ENTHD1: variants seen among roughly 807,000 people sequenced by gnomAD.
The protein encoded by ENTHD1 is ENTH domain containing 1.
A neutral mutation model predicts 39.1 loss-of-function variants in ENTHD1; 23 were observed. The observed-to-expected ratio is 0.59, with a 90% CI of 0.42 to 0.83. ENTHD1 has a LOEUF of 0.83. Ranked by LOEUF, ENTHD1 falls within the 40% of genes least tolerant of loss-of-function variation. The pLI is 0.00. For missense variants in ENTHD1, 624 were observed against 705.4 expected, an observed-to-expected ratio of 0.88 and a Z score of 1.31; for synonymous variants, 230 against 258.2, an observed-to-expected ratio of 0.89 and a Z score of 1.05.
At chr22:39,888,405 C>G (rs897787432) in intron 1 of ENTHD1, among the ~76,000 whole-genome samples, 9 of 151,142 alleles carry the variant, frequency 6.0e-5, no homozygotes, top group African/African-American at 2.2e-4. Context: ...GCAGCTGGAA[C>G]TATAGGTGTG....
intron 5 of ENTHD1, among the ~76,000 whole-genome samples, chr22:39,766,456 T>C (rs1210886879): frequency 1.3e-5 from 2 of 152,190 alleles, no homozygotes; most frequent in African/African-American, 4.8e-5. Flanking sequence ...AGGAACACCC[T>C]CAGCGCCAGG....
intron 3 of ENTHD1, among the ~76,000 whole-genome samples, chr22:39,860,468 A>G (rs2066130644): frequency 6.6e-6 from 1 of 152,198 alleles, no homozygotes; most frequent in Non-Finnish European, 1.5e-5. Flanking sequence ...AGATCCCACC[A>G]CTTTTAGAAG....
chr22:39,765,073 G>A, intron 6 of ENTHD1, 150 bp downstream of exon 6: 2 of 1,300,176 alleles, frequency 1.5e-6, no homozygotes, highest in Non-Finnish European at 2.0e-6. Context: ...TATGTGTATG[G>A]CATGTACATT....
chr22:39,835,764 A>G (rs956715712), intron 4 of ENTHD1, 76 bp downstream of exon 4: 5 of 1,025,536 alleles, frequency 4.9e-6, no homozygotes, highest in Non-Finnish European at 7.3e-6. Context: ...CCTACAGAAG[A>G]TAATAAATTT....
chr22:39,828,777 TC>T (rs1318440848), intron 4 of ENTHD1, among the ~76,000 whole-genome samples: 3 of 152,120 alleles, frequency 2.0e-5, no homozygotes, highest in Non-Finnish European at 2.9e-5. Flanking sequence ...CATTAGCAAA[TC>T]TAATAATAAA....
chr22:39,796,169 C>T (rs571815251), intron 5 of ENTHD1, among the ~76,000 whole-genome samples: 10 of 152,070 alleles, frequency 6.6e-5, no homozygotes, highest in Admixed American at 1.3e-4. Flanking sequence ...AGTCTTTTTA[C>T]TTTATTGATA....
At chr22:39,860,048 C>T (rs1357413336) in intron 3 of ENTHD1, among the ~76,000 whole-genome samples, 1 of 152,162 alleles carries the variant, frequency 6.6e-6, no homozygotes, top group Non-Finnish European at 1.5e-5. Context: ...CCTGACCCTG[C>T]TTTCCTTTTC....
chr22:39,847,877 C>A (rs1197783345), intron 3 of ENTHD1, among the ~76,000 whole-genome samples: 1 of 152,198 alleles, frequency 6.6e-6, no homozygotes, highest in East Asian at 1.9e-4. Flanking sequence ...AAACAACAAC[C>A]ATTTATTATC....
Position 39,839,918 on chromosome 22 carries a change from G to T in ENTHD1, c.593-3960C>A, listed in dbSNP as rs1036808552. ...CATTTTGGCCTAGAATAGCCTAAATGTAGTAAACCTATCTTATGAGGCAAG... is the reference window on the plus strand; with the variant it reads ...CATTTTGGCCTAGAATAGCCTAAATTTAGTAAACCTATCTTATGAGGCAAG... On this transcript the variant is annotated intron_variant, in intron 3 of 6. Coordinates refer to ENST00000325157, the MANE Select transcript of ENTHD1 (RefSeq NM_152512.4). Among the ~76,000 whole-genome samples the T allele has an allele frequency of 2.6e-5, 4 of 152,212 alleles. No individual in the cohort carries two copies. In the East Asian group the frequency reaches 5.8e-4, roughly 22 times the overall value.
intron 5 of ENTHD1, among the ~76,000 whole-genome samples, chr22:39,812,586 TTC>T (rs1443001774): frequency 3.3e-5 from 5 of 152,184 alleles, no homozygotes; most frequent in Admixed American, 1.3e-4. Flanking sequence ...ATTCCAGTGG[TTC>T]TTCAGTGGGC....
intron 1 of ENTHD1, among the ~76,000 whole-genome samples, chr22:39,892,657 T>C (rs928014852): frequency 1.5e-4 from 23 of 151,708 alleles, no homozygotes; most frequent in African/African-American, 5.6e-4. Flanking sequence ...ACTGACTTTA[T>C]CCAAAGACTT....
rs577847629 is a variant in ENTHD1, at chr22:39,821,001, G to A, written c.824C>T (p.Ser275Leu). ...LSEAEEVCNL[S>L]GADAVPTLSE... ...TTCCTTAACCAATTTACCTGCACCC[G>A]AAAGATTACAAACTTCTTCTGCTTC... Residue 275 changes from serine (S) to leucine (L), a missense_variant, in exon 5 of 7, where the codon TCG (serine) becomes TTG (leucine). Transcript: ENST00000325157. 66 of 1,613,906 alleles carry A rather than the reference G, an allele frequency of 4.1e-5. No individual in the cohort carries two copies. The highest frequency in any genetic ancestry group is 4.1e-4 in the South Asian group (37 of 91,058).
chr22:39,849,024 G>A (rs1242061906), intron 3 of ENTHD1, among the ~76,000 whole-genome samples: 1 of 152,046 alleles, frequency 6.6e-6, no homozygotes, highest in Non-Finnish European at 1.5e-5. Context: ...AGTGGCCCAG[G>A]TCTGTTTTCT....
chr22:39,754,719 G>A (rs1158004786), intron 6 of ENTHD1, among the ~76,000 whole-genome samples: 3 of 152,014 alleles, frequency 2.0e-5, no homozygotes, highest in Admixed American at 6.6e-5. Flanking sequence ...TCCACCTAAG[G>A]CTCCTGGCTA....
At chr22:39,891,876 T>A (rs1407731959) in intron 1 of ENTHD1, among the ~76,000 whole-genome samples, 1 of 152,074 alleles carries the variant, frequency 6.6e-6, no homozygotes, top group African/African-American at 2.4e-5. Context: ...TGCCTCGGCC[T>A]CCCAGAGTGC....
chr22:39,822,932 G>A (rs757510894), intron 4 of ENTHD1, among the ~76,000 whole-genome samples: 1 of 152,132 alleles, frequency 6.6e-6, no homozygotes, highest in African/African-American at 2.4e-5. Context: ...CAAAATTATA[G>A]TACAATATCA....
At chr22:39,855,934 C>A (rs2066081475) in intron 3 of ENTHD1, among the ~76,000 whole-genome samples, 1 of 152,170 alleles carries the variant, frequency 6.6e-6, no homozygotes, top group Non-Finnish European at 1.5e-5. Context: ...AACTAATCTA[C>A]CTATCTTTGA....
intron 5 of ENTHD1, among the ~76,000 whole-genome samples, chr22:39,807,498 ACCTCTTCAAGG>A (rs2065652548): frequency 6.6e-6 from 1 of 152,034 alleles, no homozygotes; most frequent in Admixed American, 6.5e-5. Context: ...GACCTTGCTC[ACCTCTTCAAGG>A]CCTCTCCTGC....
intron 2 of ENTHD1, among the ~76,000 whole-genome samples, chr22:39,873,726 G>A (rs2146749275): frequency 6.6e-6 from 1 of 152,190 alleles, no homozygotes; most frequent in African/African-American, 2.4e-5. Context: ...TCAAGCAATT[G>A]GATACCATAC....
Sources: allele counts gnomAD v4.1 joint callset (sites outside exome capture counted in the v4.1 genomes callset), GRCh38; gene constraint gnomAD v4.1.1; transcripts MANE v1.5; gene names NCBI Gene and HGNC (gene_info 2026-07-23, HGNC 2026-07-21).